Variants in DLGAP3 observed in about 807,000 individuals in gnomAD.
DLGAP3 encodes the protein disks large-associated protein 3.
In DLGAP3, 17 loss-of-function variants were observed where a neutral mutation model predicts 81.2. That is an observed-to-expected ratio of 0.21 (90% CI 0.14 to 0.31). The LOEUF (loss-of-function observed/expected upper bound fraction) is 0.31. DLGAP3 is among the 10% of genes least tolerant of loss of function. The pLI is 1.00. For synonymous variants in DLGAP3, 577 were observed against 587.4 expected (o/e 0.98, Z 0.26); for missense variants, 1,124 against 1,388.0 (o/e 0.81, Z 3.02).
chr1:34,927,149 C>T (rs1227517466), intron 1 of DLGAP3, among the ~76,000 whole-genome samples: 4 of 152,212 alleles, frequency 2.6e-5, no homozygotes, highest in African/African-American at 9.7e-5. Flanking sequence ...CCAGCGACAT[C>T]TGTAGCGCCC....
chr1:34,900,379 G>A lies in DLGAP3; in HGVS notation c.1108-106C>T. 2 of 1,169,224 alleles carry A rather than the reference G, an allele frequency of 1.7e-6. No individual in the cohort carries two copies. Among genetic ancestry groups the A allele is most frequent in the East Asian group, 4.7e-5 (2 of 42,402 alleles). 72.4% of individuals were successfully genotyped at this position (1,169,224 alleles called of 1,614,324 possible). ...GAGATGCCCTGCCCTGGCTTGAACA[G>A]GCACACTCAGGTACATGCAGAGGCA... On this transcript the variant is annotated intron_variant, in intron 3 of 11. Coordinates refer to ENST00000373347, the MANE Select transcript of DLGAP3 (RefSeq NM_001080418.3). This position sits in a 1 kb window ranked among gnomAD's most constrained non-coding sequence, Gnocchi z 5.6.
At chr1:34,892,284 T>G (rs965177022) in intron 5 of DLGAP3, among the ~76,000 whole-genome samples, 8 of 152,136 alleles carry the variant, frequency 5.3e-5, no homozygotes, top group African/African-American at 1.9e-4. Context: ...GATGGATCTG[T>G]ATAAATTATC....
intron 1 of DLGAP3, among the ~76,000 whole-genome samples, chr1:34,914,633 G>A (rs1445573365): frequency 6.6e-6 from 1 of 152,234 alleles, no homozygotes; most frequent in Non-Finnish European, 1.5e-5. Flanking sequence ...TCAAATGGGA[G>A]CAAGAGTAGT....
chr1:34,913,162 G>A (rs1639663827), intron 1 of DLGAP3, among the ~76,000 whole-genome samples: 1 of 152,210 alleles, frequency 6.6e-6, no homozygotes, highest in African/African-American at 2.4e-5. Flanking sequence ...AAGGAAGGAG[G>A]AAGGCTTGCC....
intron 8 of DLGAP3, among the ~76,000 whole-genome samples, chr1:34,874,975 T>C (rs1371763234): frequency 1.3e-5 from 2 of 151,962 alleles, no homozygotes; most frequent in Non-Finnish European, 2.9e-5. Context: ...CACTCCAGCC[T>C]GGGGGCTGTG....
At chr1:34,927,269 G>C (rs1339327938) in intron 1 of DLGAP3, among the ~76,000 whole-genome samples, 1 of 152,184 alleles carries the variant, frequency 6.6e-6, no homozygotes. Context: ...GGTGGGGAGA[G>C]TTCAGGAATA....
intron 5 of DLGAP3, among the ~76,000 whole-genome samples, chr1:34,891,249 T>C (rs755889752): frequency 1.2e-4 from 19 of 152,234 alleles, no homozygotes; most frequent in South Asian, 8.3e-4. Flanking sequence ...CCCAATGCTA[T>C]CAGTTGCAAT....
rs1638902743 is a variant in DLGAP3, at chr1:34,867,418, C to T, written c.2577+118G>A. On this transcript the variant is annotated intron_variant, in intron 10 of 11. Transcript: ENST00000373347. The surrounding 1 kb of genome is among the most constrained non-coding windows in gnomAD (Gnocchi z 4.3). ...ACTCACAGCTACCCCAGAAGGCATGCAGGCCTGGTCTCACCTCTGGTACAC... is the reference window on the plus strand; with the variant it reads ...ACTCACAGCTACCCCAGAAGGCATGTAGGCCTGGTCTCACCTCTGGTACAC... 1.9e-6 allele frequency: 2 copies of T among 1,071,174 alleles called. No individual in the cohort carries two copies. The highest frequency in any genetic ancestry group is 1.5e-6 in the Non-Finnish European group (1 of 688,534). 66.4% of individuals were successfully genotyped at this position (1,071,174 alleles called of 1,614,324 possible). A position where few individuals can be genotyped will look rare whatever the true frequency, so the allele number is the denominator to read the frequency against.
chr1:34,889,859 A>G (rs1447180266), intron 5 of DLGAP3, among the ~76,000 whole-genome samples: 4 of 152,240 alleles, frequency 2.6e-5, no homozygotes, highest in African/African-American at 9.6e-5. Flanking sequence ...TGCTGCAAAC[A>G]GCCCAGTGGA....
At position 34,895,760 on chromosome 1, in the gene DLGAP3, T is replaced by C. The variant is rs1279279556; in HGVS notation, c.1386+3909A>G. The stretch of plus-strand genomic sequence containing the variant: ...CAGACCAATGGAATAAATTTTAAGG[T>C]TCATTAATAAACACATGCATTTATG... On this transcript the variant is annotated intron_variant, in intron 5 of 11. Coordinates refer to ENST00000373347, the MANE Select transcript of DLGAP3 (RefSeq NM_001080418.3). The surrounding 1 kb of genome is among the most constrained non-coding windows in gnomAD (Gnocchi z 4.5). Among the ~76,000 whole-genome samples the C allele has an allele frequency of 6.6e-6, 1 of 152,124 alleles. No homozygotes were observed. The highest frequency in any genetic ancestry group is 2.4e-5 in the African/African-American group (1 of 41,414).
At position 34,885,565 on chromosome 1, in the gene DLGAP3, G is replaced by T. The variant is rs754471768; in HGVS notation, c.1827C>A (p.Pro609=). 2.7e-5 allele frequency: 44 copies of T among 1,606,062 alleles called. No individual in the cohort carries two copies. Among genetic ancestry groups the T allele is most frequent in the Admixed American group, 1.7e-4 (10 of 59,832 alleles). ...PVPPRASPKP[P]TLIIKTIPGR... Reference sequence around the variant, plus strand: ...CAGGGATGGTCTTGATGATGAGTGTGGGGGGCTTGGGGCTGGCCCGGGGCG... The same window carrying T: ...CAGGGATGGTCTTGATGATGAGTGTTGGGGGCTTGGGGCTGGCCCGGGGCG... The change falls in exon 7 of 12, where the codon CCC becomes CCA. Residue 609 remains proline (P), a synonymous_variant. Coordinates refer to ENST00000373347, the MANE Select transcript of DLGAP3 (RefSeq NM_001080418.3).
At chr1:34,901,022 C>T (rs368516644) in intron 3 of DLGAP3, among the ~76,000 whole-genome samples, 5 of 152,086 alleles carry the variant, frequency 3.3e-5, no homozygotes, top group Non-Finnish European at 7.4e-5. Context: ...GGTGCTGCCG[C>T]TCACTGAGCC....
intron 5 of DLGAP3, 29 bp from the exon 6 acceptor site, chr1:34,886,314 T>A: frequency 6.5e-7 from 1 of 1,537,444 alleles, no homozygotes; most frequent in South Asian, 1.2e-5. Flanking sequence ...GGAGGACAGT[T>A]ATAAGGTGCC....
At position 34,867,403 on chromosome 1, in the gene DLGAP3, A is replaced by G. The variant is rs1041736872; in HGVS notation, c.2577+133T>C. On this transcript the variant is annotated intron_variant, in intron 10 of 11. Transcript: ENST00000373347. This position sits in a 1 kb window ranked among gnomAD's most constrained non-coding sequence, Gnocchi z 4.3. ...ACCTCCAGGCACAAGACTCACAGCTACCCCAGAAGGCATGCAGGCCTGGTC... is the reference window on the plus strand; with the variant it reads ...ACCTCCAGGCACAAGACTCACAGCTGCCCCAGAAGGCATGCAGGCCTGGTC... 17 of 1,052,536 alleles carry G rather than the reference A, an allele frequency of 1.6e-5. No individual in the cohort carries two copies. Among genetic ancestry groups the G allele is most frequent in the Admixed American group, 3.4e-5 (2 of 59,262 alleles). 65.2% of individuals were successfully genotyped at this position (1,052,536 alleles called of 1,614,324 possible). A position where few individuals can be genotyped will look rare whatever the true frequency, so the allele number is the denominator to read the frequency against.
intron 8 of DLGAP3, among the ~76,000 whole-genome samples, chr1:34,881,523 G>T (rs1199576813): frequency 6.6e-6 from 1 of 152,062 alleles, no homozygotes; most frequent in Non-Finnish European, 1.5e-5. Context: ...TTGAACTTAA[G>T]GTCCCTAGAC....
At chr1:34,889,983 G>T (rs1639288878) in intron 5 of DLGAP3, among the ~76,000 whole-genome samples, 1 of 152,218 alleles carries the variant, frequency 6.6e-6, no homozygotes, top group Admixed American at 6.5e-5. Context: ...CGTGGAATTG[G>T]AAAGGAGAAC....
At chr1:34,911,277 G>T (rs1055259802) in intron 1 of DLGAP3, among the ~76,000 whole-genome samples, 2 of 152,128 alleles carry the variant, frequency 1.3e-5, no homozygotes, top group Non-Finnish European at 2.9e-5. Context: ...CAAATAAAAA[G>T]ACCTCATCCA....
chr1:34,924,647 T>A (rs1639842241), intron 1 of DLGAP3, among the ~76,000 whole-genome samples: 2 of 152,022 alleles, frequency 1.3e-5, no homozygotes, highest in South Asian at 4.2e-4. Flanking sequence ...GGTATCAATA[T>A]CTCTGAGCTT....
chr1:34,899,837 C>A lies in DLGAP3; in HGVS notation c.1314-96G>T, dbSNP rs560177307. On this transcript the variant is annotated intron_variant, in intron 4 of 11. Transcript: ENST00000373347. Reference sequence around the variant, plus strand: ...CTGGGGCCCCTGAGTAAGTCCTATTCCTCAGAACCCCCAAAGAGAGATCCC... The same window carrying A: ...CTGGGGCCCCTGAGTAAGTCCTATTACTCAGAACCCCCAAAGAGAGATCCC... 2.3e-5 allele frequency: 27 copies of A among 1,176,900 alleles called. No homozygotes were observed. In the Admixed American group the frequency reaches 4.2e-4, roughly 18 times the overall value. The allele number at this position is 1,176,900 out of a possible 1,614,324, so 72.9% of individuals were successfully genotyped here. A position where few individuals can be genotyped will look rare whatever the true frequency, so the allele number is the denominator to read the frequency against.
Sources: allele counts gnomAD v4.1 joint callset (sites outside exome capture counted in the v4.1 genomes callset), GRCh38; gene constraint gnomAD v4.1.1; non-coding constraint Gnocchi (gnomAD v3.1); transcripts MANE v1.5; gene names NCBI Gene and HGNC (gene_info 2026-07-23, HGNC 2026-07-21).